Variants in RANBP2 observed in about 807,000 individuals in gnomAD.
RANBP2 encodes the protein RAN binding protein 2, also known as E3 SUMO-protein ligase RanBP2.
RANBP2 carries 57 observed loss-of-function variants against 303.6 expected under a neutral mutation model. The observed-to-expected ratio is 0.19, with a 90% CI of 0.15 to 0.23. The LOEUF (loss-of-function observed/expected upper bound fraction) is 0.23. RANBP2 is among the 10% of genes least tolerant of loss of function. The pLI, the probability that RANBP2 is intolerant of heterozygous loss-of-function variation, is 1.00. For synonymous variants in RANBP2, 1,167 were observed against 1,301.5 expected, an observed-to-expected ratio of 0.90 and a Z score of 2.23; for missense variants, 3,138 against 3,780.8, an observed-to-expected ratio of 0.83 and a Z score of 4.46.
In RANBP2 at chr2:108,719,670, C is replaced by A. The variant is rs766291244; in HGVS notation, c.64C>A (p.Pro22Thr). The A allele has an allele frequency of 6.2e-7, 1 of 1,605,400 alleles. No individual in the cohort carries two copies. The highest frequency in any genetic ancestry group is 1.3e-5 in the African/African-American group (1 of 74,902). ...CTCGGTGCAGGGCTCCACCCCGTCG[C>A]CTCGACAGGTGAGTGGGTCTCGAAG... is the stretch of plus-strand genomic sequence containing the variant. ...IASVQGSTPS[P>T]RQKSMKGFYF... The change falls in exon 1 of 29, where the codon CCT becomes ACT. Residue 22 changes from proline to threonine, a missense_variant. Transcript: ENST00000283195.
the RANBP2 span, among the ~76,000 whole-genome samples, chr2:109,294,810 C>T: frequency 1.3e-5 from 2 of 152,160 alleles, no homozygotes; most frequent in Admixed American, 1.3e-4. Context: ...CGACTCAGCC[C>T]AGGCTTAGCC....
chr2:109,455,689 C>T, the RANBP2 span, among the ~76,000 whole-genome samples: 903 of 152,318 alleles, frequency 5.9e-3, 5 homozygotes, highest in Middle Eastern at 0.014. Flanking sequence ...TGTATTTCCT[C>T]TCGAGTGGAG....
the RANBP2 span, among the ~76,000 whole-genome samples, chr2:109,505,322 A>T: frequency 6.6e-6 from 1 of 152,182 alleles, no homozygotes; most frequent in African/African-American, 2.4e-5. Flanking sequence ...AGACACATCT[A>T]CGTATACATT....
chr2:108,751,807 T>C (rs1675907833), intron 11 of RANBP2, 64 bp from the exon 12 acceptor site: 5 of 1,611,838 alleles, frequency 3.1e-6, no homozygotes, highest in Admixed American at 1.7e-5. Flanking sequence ...CATTAACATA[T>C]ATGTATGTAA....
the RANBP2 span, among the ~76,000 whole-genome samples, chr2:109,422,217 C>T: frequency 4.9e-4 from 74 of 152,318 alleles, no homozygotes; most frequent in Non-Finnish European, 8.1e-4. Context: ...TGCACTGCTG[C>T]CCATTGCGGG....
At chr2:109,614,279 G>GGTGGCGTGGGCGC in the RANBP2 span, 1 of 643,694 alleles carries the variant, frequency 1.6e-6, no homozygotes, top group Non-Finnish European at 2.1e-6. Flanking sequence ...GGCGTGGCCT[G>GGTGGCGTGGGCGC]GTGGCGTGGG....
the RANBP2 span, among the ~76,000 whole-genome samples, chr2:108,814,989 G>A: frequency 6.6e-6 from 1 of 152,074 alleles, no homozygotes; most frequent in African/African-American, 2.4e-5. Flanking sequence ...AGGTGGATAT[G>A]TGTAGTGGTA....
the RANBP2 span, among the ~76,000 whole-genome samples, chr2:109,177,900 G>A: frequency 6.6e-6 from 1 of 152,230 alleles, no homozygotes; most frequent in South Asian, 2.1e-4. Context: ...CTCCTTTGAG[G>A]TAGGATTTCT....
At chr2:109,034,126 C>T in the RANBP2 span, among the ~76,000 whole-genome samples, 5 of 150,804 alleles carry the variant, frequency 3.3e-5, no homozygotes, top group Non-Finnish European at 5.9e-5. Flanking sequence ...AAAAATTAGC[C>T]GGGTGTGGTG....
the RANBP2 span, among the ~76,000 whole-genome samples, chr2:109,399,334 C>G: frequency 6.6e-6 from 1 of 152,320 alleles, no homozygotes; most frequent in Non-Finnish European, 1.5e-5. Flanking sequence ...GCTAATTTCC[C>G]TTTCAAGAGA....
At chr2:108,839,361 C>A in the RANBP2 span, 1 of 1,351,482 alleles carries the variant, frequency 7.4e-7, no homozygotes, top group Non-Finnish European at 1.0e-6. Flanking sequence ...ACTTCTTGAT[C>A]TTGTTTCACA....
the RANBP2 span, among the ~76,000 whole-genome samples, chr2:109,213,069 C>T: frequency 5.9e-5 from 9 of 152,166 alleles, no homozygotes; most frequent in African/African-American, 1.4e-4. Flanking sequence ...TGGGAAGGCT[C>T]GGAGGAATCT....
At chr2:109,440,741 G>A in the RANBP2 span, among the ~76,000 whole-genome samples, 2 of 152,166 alleles carry the variant, frequency 1.3e-5, no homozygotes, top group African/African-American at 4.8e-5. Flanking sequence ...GAGAGGGCTT[G>A]AGTTTCCAGG....
the RANBP2 span, among the ~76,000 whole-genome samples, chr2:109,152,423 G>A: frequency 2.2e-4 from 34 of 152,288 alleles, no homozygotes; most frequent in African/African-American, 7.9e-4. Flanking sequence ...TCTGGGCTCC[G>A]ATCTCAAGTT....
the RANBP2 span, among the ~76,000 whole-genome samples, chr2:108,833,774 C>T: frequency 1.4e-5 from 2 of 139,320 alleles, no homozygotes; most frequent in East Asian, 4.2e-4. Context: ...GTCGCCCAGG[C>T]TGGAGTGCAG....
At chr2:109,659,065 C>A in the RANBP2 span, among the ~76,000 whole-genome samples, 1 of 136,342 alleles carries the variant, frequency 7.3e-6, no homozygotes, top group African/African-American at 2.8e-5. Flanking sequence ...ACTCCGCCCC[C>A]CCGCCAAAAA....
At chr2:109,677,821 A>G in the RANBP2 span, among the ~76,000 whole-genome samples, 1 of 152,194 alleles carries the variant, frequency 6.6e-6, no homozygotes, top group Non-Finnish European at 1.5e-5. Flanking sequence ...GAGATGATAC[A>G]GTTTTTTGTT....
At chr2:109,208,779 C>G in the RANBP2 span, among the ~76,000 whole-genome samples, 1 of 152,146 alleles carries the variant, frequency 6.6e-6, no homozygotes, top group Non-Finnish European at 1.5e-5. Flanking sequence ...GAATCTTGCC[C>G]TAGAAATACA....
At chr2:108,786,956 C>A, downstream of RANBP2, 1 of 1,383,152 alleles carries the variant, frequency 7.2e-7, no homozygotes, top group Non-Finnish European at 9.6e-7. Context: ...GCTCCTGCTG[C>A]TGGGGGGCGG....
Sources: allele counts gnomAD v4.1 joint callset (sites outside exome capture counted in the v4.1 genomes callset), GRCh38; gene constraint gnomAD v4.1.1; transcripts MANE v1.5; gene names NCBI Gene and HGNC (gene_info 2026-07-23, HGNC 2026-07-21).